Variants in NSL1 observed in about 807,000 individuals in gnomAD.
NSL1 encodes kinetochore-associated protein NSL1 homolog.
Under a neutral mutation model 25.4 loss-of-function variants are expected in NSL1, and 11 were observed. The ratio of observed to expected loss-of-function variants is 0.43; its 90% CI spans 0.27 to 0.72. The LOEUF is 0.72. NSL1 is among the 30% of genes least tolerant of loss of function. The pLI is 0.19. For synonymous variants in NSL1, 118 were observed against 120.6 expected (o/e 0.98, Z 0.14); for missense variants, 330 against 342.7 (o/e 0.96, Z 0.29).
chr1:212,780,196 G>A (rs1481952180), intron 4 of NSL1, among the ~76,000 whole-genome samples: 6 of 151,794 alleles, frequency 4.0e-5, no homozygotes, highest in Non-Finnish European at 7.4e-5. Flanking sequence ...GTTGATCTGT[G>A]ACCTTACCCC....
In NSL1 at chr1:212,753,822, A is replaced by G. The variant is rs531399971; in HGVS notation, c.500-14221T>C. 2.4e-4 allele frequency among the ~76,000 whole-genome samples: 36 copies of G among 152,394 alleles called. No individual in the cohort carries two copies. The East Asian group carries it at 3.3e-3, about 14-fold the overall frequency. On this transcript the variant is annotated intron_variant, in intron 4 of 5. Coordinates refer to ENST00000366977, the MANE Select transcript of NSL1 (RefSeq NM_015471.4). The stretch of plus-strand genomic sequence containing the variant: ...ACACAAATACTTATAAGCTGTAACA[A>G]GTACTATTAAGGAAATAAACAGGTG...
rs567857379 is a variant in NSL1, at chr1:212,736,628, T to G, written c.*1780A>C. ...TTTAAACTCTGCTATAACTATGGAG[T>G]AAAACTTTGGGCTCTCAAGAGGATT... On this transcript the variant is annotated 3_prime_UTR_variant, in exon 6 of 6. Coordinates refer to ENST00000366977, the MANE Select transcript of NSL1 (RefSeq NM_015471.4). The G allele has an allele frequency of 2.3e-5, 23 of 985,344 alleles. No homozygotes were observed. The South Asian group carries it at 9.4e-4, about 40-fold the overall frequency. 61.0% of individuals were successfully genotyped at this position (985,344 alleles called of 1,614,324 possible). A position where few individuals can be genotyped will look rare whatever the true frequency, so the allele number is the denominator to read the frequency against.
chr1:212,744,921 G>A (rs1221579519), intron 4 of NSL1, among the ~76,000 whole-genome samples: 2 of 152,146 alleles, frequency 1.3e-5, no homozygotes, highest in African/African-American at 2.4e-5. Context: ...GCCGGATCAC[G>A]TGAAGTCAGG....
chr1:212,782,287 T>C, intron 4 of NSL1, 85 bp downstream of exon 4: 1 of 932,542 alleles, frequency 1.1e-6, no homozygotes, highest in South Asian at 1.3e-5. Context: ...ATATCCTTGA[T>C]GCTGACCCTT....
At chr1:212,770,309 A>C (rs112561587) in intron 4 of NSL1, among the ~76,000 whole-genome samples, 3,466 of 152,282 alleles carry the variant, frequency 0.023, 63 homozygotes, top group South Asian at 0.041. Flanking sequence ...AGACTAACCA[A>C]GATTGGAAAC....
In NSL1 at chr1:212,738,259, C is replaced by T. The variant is rs1038826339; in HGVS notation, c.*149G>A. The T allele has an allele frequency of 6.4e-6, 9 of 1,407,358 alleles. No individual in the cohort carries two copies. In the African/African-American group the frequency reaches 1.0e-4, roughly 16 times the overall value. The allele number at this position is 1,407,358 out of a possible 1,614,324, so 87.2% of individuals were successfully genotyped here. A position where few individuals can be genotyped will look rare whatever the true frequency, so the allele number is the denominator to read the frequency against. On this transcript the variant is annotated 3_prime_UTR_variant, in exon 6 of 6. Transcript: ENST00000366977. ...AGGAAATACAATATTATATCATATC[C>T]CCGCACAGAGATACTATATCTGTAT...
chr1:212,764,753 G>A (rs1659721260), intron 4 of NSL1, among the ~76,000 whole-genome samples: 1 of 140,814 alleles, frequency 7.1e-6, no homozygotes, highest in Non-Finnish European at 1.5e-5. Flanking sequence ...GGCTGAGGAA[G>A]GAGAATTGCT....
At chr1:212,778,671 G>C (rs1275210696) in intron 4 of NSL1, among the ~76,000 whole-genome samples, 1 of 152,128 alleles carries the variant, frequency 6.6e-6, no homozygotes, top group African/African-American at 2.4e-5. Context: ...GAGGTGCCGG[G>C]ATTGCAGACG....
intron 4 of NSL1, among the ~76,000 whole-genome samples, chr1:212,745,323 A>G (rs1162164133): frequency 2.6e-5 from 4 of 151,886 alleles, no homozygotes; most frequent in Non-Finnish European, 4.4e-5. Flanking sequence ...GCATTTACAC[A>G]TCCAAGAAGC....
intron 4 of NSL1, among the ~76,000 whole-genome samples, chr1:212,746,885 C>A (rs1658820234): frequency 6.6e-6 from 1 of 152,190 alleles, no homozygotes; most frequent in Non-Finnish European, 1.5e-5. Flanking sequence ...GTGGCCCAGG[C>A]CTGTAATCCC....
chr1:212,782,560 G>T, intron 3 of NSL1, 134 bp from the exon 4 acceptor site: 1 of 679,276 alleles, frequency 1.5e-6, no homozygotes, highest in Non-Finnish European at 2.6e-6. Flanking sequence ...CCTACTGTCT[G>T]TAGGGAAGAG....
chr1:212,784,747 C>G (rs1353158881), intron 2 of NSL1, among the ~76,000 whole-genome samples: 1 of 152,104 alleles, frequency 6.6e-6, no homozygotes, highest in Non-Finnish European at 1.5e-5. Context: ...TTCCTACTCT[C>G]TAAGAGTTCA....
chr1:212,781,213 A>T (rs1008206814), intron 4 of NSL1, among the ~76,000 whole-genome samples: 4 of 152,252 alleles, frequency 2.6e-5, no homozygotes, highest in Non-Finnish European at 5.9e-5. Context: ...CATAATCAGA[A>T]CAGTGAAAGT....
rs1412722272 is a variant in NSL1 at position 212,743,384 on chromosome 1, C to T, written c.500-3783G>A. On this transcript the variant is annotated intron_variant, in intron 4 of 5. Coordinates refer to ENST00000366977, the MANE Select transcript of NSL1 (RefSeq NM_015471.4). ...TTCACCATGTTAGCCAGAATGGCCT[C>T]GATCTCTTGACCTTGTGATCCGCCC... Among the ~76,000 whole-genome samples, 5 of 151,644 alleles carry T rather than the reference C, an allele frequency of 3.3e-5. No individual in the cohort carries two copies. The South Asian group carries it at 6.2e-4, about 19-fold the overall frequency.
At chr1:212,761,990 A>G in intron 4 of NSL1, among the ~76,000 whole-genome samples, 1 of 151,842 alleles carries the variant, frequency 6.6e-6, no homozygotes, top group East Asian at 1.9e-4. Flanking sequence ...AAAAAAAAAA[A>G]AAAATCATGT....
At chr1:212,762,294 T>C (rs964717907) in intron 4 of NSL1, among the ~76,000 whole-genome samples, 7 of 117,414 alleles carry the variant, frequency 6.0e-5, no homozygotes, top group African/African-American at 2.7e-4. Context: ...TCTCACTCTG[T>C]CTTAAAAGAA....
chr1:212,763,086 T>C (rs995118150), intron 4 of NSL1, among the ~76,000 whole-genome samples: 2 of 152,226 alleles, frequency 1.3e-5, no homozygotes, highest in African/African-American at 4.8e-5. Context: ...GTGCGCAGAC[T>C]GCCTGGAACT....
In NSL1 at chr1:212,726,496, G is replaced by A. The variant is rs140162681; in HGVS notation, c.*11912C>T. ...GGTGTAGGGAGAAGAAGAGGTGCTG[G>A]AGCCATCTATCCAGGTCCCTGTACT... On this transcript the variant is annotated 3_prime_UTR_variant, in exon 6 of 6. Transcript: ENST00000366977. The A allele has an allele frequency of 6.6e-6, 1 of 152,344 alleles. No individual in the cohort carries two copies. Among genetic ancestry groups the A allele is most frequent in the Non-Finnish European group, 1.5e-5 (1 of 68,090 alleles). The allele number at this position is 152,344 out of a possible 1,614,324, so 9.4% of individuals were successfully genotyped here.
Position 212,736,790 on chromosome 1 carries a change from C to G in NSL1, c.*1618G>C. ...AGGATTTTTGTCACATTTCCTTAAT[C>G]GATTCCTTGTTTCTCTGCTGAATAC... On this transcript the variant is annotated 3_prime_UTR_variant, in exon 6 of 6. Transcript: ENST00000366977. 2 of 985,132 alleles carry G rather than the reference C, an allele frequency of 2.0e-6. No homozygotes were observed. Among genetic ancestry groups the G allele is most frequent in the Non-Finnish European group, 2.4e-6 (2 of 829,668 alleles). The allele number at this position is 985,132 out of a possible 1,614,324, so 61.0% of individuals were successfully genotyped here. A position where few individuals can be genotyped will look rare whatever the true frequency, so the allele number is the denominator to read the frequency against.
Sources: gnomAD v4.1 joint callset for allele counts (sites outside exome capture counted in the v4.1 genomes callset) on GRCh38, gnomAD v4.1.1 for gene constraint, MANE v1.5 for transcripts, NCBI Gene and HGNC (gene_info 2026-07-23, HGNC 2026-07-21) for gene names.